Variants in TCHH observed in about 807,000 individuals in gnomAD.
The protein encoded by TCHH is trichohyalin.
TCHH carries 6 observed loss-of-function variants against 6.3 expected under a neutral mutation model. The ratio of observed to expected loss-of-function variants is 0.95; its 90% CI spans 0.52 to 1.88. The LOEUF is 1.88. TCHH is among the 40% of genes most tolerant of loss of function. TCHH has a pLI of 0.01. For synonymous variants in TCHH, 1,087 were observed against 963.6 expected (o/e 1.13, Z -2.37); for missense variants, 2,920 against 2,449.1 (o/e 1.19, Z -4.06).
chr1:152,108,098 T>G lies in TCHH; in HGVS notation c.5119A>C (p.Arg1707=). The G allele has an allele frequency of 6.2e-7, 1 of 1,605,822 alleles. No homozygotes were observed. Among genetic ancestry groups the G allele is most frequent in the South Asian group, 1.1e-5 (1 of 90,784 alleles). ...TGCTGTTCCTCCTGGAGGAATTTTC[T>G]CTCTCGTTCCTGACGGCGGAGCTGC... is the stretch of plus-strand genomic sequence containing the variant. ...EQQLRRQERE[R]KFLQEEQQLR... is the part of the protein sequence containing the mutation. The change falls in exon 3 of 3, where the codon AGA becomes CGA. Residue 1707 remains arginine (R), a synonymous_variant. Coordinates refer to ENST00000614923, the MANE Select transcript of TCHH (RefSeq NM_007113.4).
In TCHH at chr1:152,109,410, G is replaced by A. The variant is rs761922934; in HGVS notation, c.3807C>T (p.His1269=). The change falls in exon 3 of 3, where the codon CAC becomes CAT. Residue 1269 remains histidine (H), a synonymous_variant. Transcript: ENST00000614923. ...CTCGCTCTTGCTGTTCACCCAGCAG[G>A]TGCTGCAGATCTTGCTGGGATTGTC... is the stretch of plus-strand genomic sequence containing the variant. The part of the protein sequence containing the change: ...RDRQSQQDLQ[H]LLGEQQERDR... The A allele has an allele frequency of 1.9e-6, 3 of 1,613,388 alleles. No individual in the cohort carries two copies. The highest frequency in any genetic ancestry group is 2.7e-5 in the African/African-American group (2 of 74,902).
chr1:152,107,600 G>GACGTTTC lies in TCHH; in HGVS notation c.5610_5616dup (p.Arg1873GlufsTer62), dbSNP rs1658142412. 1.2e-6 allele frequency: 2 copies of GACGTTTC among 1,613,944 alleles called. No homozygotes were observed. Among genetic ancestry groups the GACGTTTC allele is most frequent in the Non-Finnish European group, 1.7e-6 (2 of 1,180,002 alleles). ...CGTAATTTCCTTTCCCGTTCCTGGC[G>GACGTTTC]ACGTTTCTGCTCCTCTTCTTGCCAT... is the stretch of plus-strand genomic sequence containing the variant. On this transcript the variant is annotated frameshift_variant, in exon 3 of 3. Coordinates refer to ENST00000614923, the MANE Select transcript of TCHH (RefSeq NM_007113.4). LOFTEE classifies it low-confidence loss of function (END_TRUNC).
Position 152,108,265 on chromosome 1 carries a change from T to G in TCHH, c.4952A>C (p.Gln1651Pro), listed in dbSNP as rs1483517781. ...RDRKFLEEEP[Q>P]LRRQEREQQL... ...TTGTTCGCGCTCCTGGCGGCGCAGC[T>G]GCGGTTCCTCCTCGAGGAATTTTCT... The change falls in exon 3 of 3, where the codon CAG (glutamine) becomes CCG (proline). Residue 1651 changes from glutamine (Q) to proline (P), a missense_variant. By Grantham distance (76) the Gln-to-Pro change is moderately conservative (BLOSUM62 -1). Transcript: ENST00000614923. 1.9e-6 allele frequency: 3 copies of G among 1,612,806 alleles called. No homozygotes were observed. Among genetic ancestry groups the G allele is most frequent in the South Asian group, 1.1e-5 (1 of 90,938 alleles).
Position 152,107,911 on chromosome 1 carries a change from C to T in TCHH, c.5306G>A (p.Arg1769His), listed in dbSNP as rs371137520. 23 of 1,613,778 alleles carry T rather than the reference C, an allele frequency of 1.4e-5. No homozygotes were observed. The highest frequency in any genetic ancestry group is 1.9e-5 in the Non-Finnish European group (23 of 1,179,958). ...REEQQLRRQE[R>H]DRKFREEEQL... The stretch of plus-strand genomic sequence containing the variant: ...TTCCTCCTCGCGGAATTTTCTGTCG[C>T]GCTCCTGGCGGCGCAGCTGCTGTTC... Residue 1769 changes from arginine to histidine, a missense_variant, in exon 3 of 3, where the codon CGC becomes CAC. By Grantham distance (29) the Arg-to-His change is conservative. Coordinates refer to ENST00000614923, the MANE Select transcript of TCHH (RefSeq NM_007113.4).
chr1:152,109,085 C>G lies in TCHH; in HGVS notation c.4132G>C (p.Glu1378Gln), dbSNP rs369543263. The change falls in exon 3 of 3, where the codon GAG becomes CAG. Residue 1378 changes from glutamate to glutamine, a missense_variant. Physicochemically the swap from Glu to Gln is conservative, Grantham distance 29. Transcript: ENST00000614923. ...RHQEQGRKFL[E>Q]EEQRLRRQER... ...TGGCGGCGCAGCCGCTGTTCCTCCT[C>G]GAGGAATTTTCTCCCTTGTTCCTGA... 2.2e-5 allele frequency: 36 copies of G among 1,613,030 alleles called. No homozygotes were observed. Among genetic ancestry groups the G allele is most frequent in the Middle Eastern group, 3.3e-4 (2 of 6,074 alleles).
rs756799559 is a variant in TCHH, at chr1:152,113,089, G to A, written c.139-11C>T. Reference sequence around the variant, plus strand: ...AGGGTCATGTGGTCTCTATAAAAATGGTGAAAACAAAAATTTTACAATGCA... The same window carrying A: ...AGGGTCATGTGGTCTCTATAAAAATAGTGAAAACAAAAATTTTACAATGCA... On this transcript the variant is annotated splice_polypyrimidine_tract_variant and intron_variant, in intron 2 of 2. Transcript: ENST00000614923. 6 of 1,560,932 alleles carry A rather than the reference G, an allele frequency of 3.8e-6. No homozygotes were observed. Among genetic ancestry groups the A allele is most frequent in the Non-Finnish European group, 5.2e-6 (6 of 1,156,620 alleles).
chr1:152,111,877 A>C lies in TCHH; in HGVS notation c.1340T>G (p.Leu447Arg). The C allele has an allele frequency of 6.3e-7, 1 of 1,577,468 alleles. No individual in the cohort carries two copies. The highest frequency in any genetic ancestry group is 8.6e-7 in the Non-Finnish European group (1 of 1,168,506). ...KHEQERREQR[L>R]KREQEERRDW... ...GCGCCTCTCCTCCTGCTCGCGCTTC[A>C]GCCGCTGCTCGCGCCTCTCCTGCTC... The change falls in exon 3 of 3, where the codon CTG (leucine) becomes CGG (arginine). Residue 447 changes from leucine to arginine, a missense_variant. Coordinates refer to ENST00000614923, the MANE Select transcript of TCHH (RefSeq NM_007113.4).
At position 152,110,531 on chromosome 1, in the gene TCHH, G is replaced by T. The variant is rs540423427; in HGVS notation, c.2686C>A (p.Gln896Lys). The T allele has an allele frequency of 1.9e-6, 3 of 1,614,074 alleles. No individual in the cohort carries two copies. Among genetic ancestry groups the T allele is most frequent in the Middle Eastern group, 3.3e-4 (2 of 6,062 alleles). The change falls in exon 3 of 3, where the codon CAA becomes AAA. Residue 896 changes from glutamine to lysine, a missense_variant. Gln to Lys is a moderately conservative substitution (Grantham distance 53, BLOSUM62 1). Coordinates refer to ENST00000614923, the MANE Select transcript of TCHH (RefSeq NM_007113.4). ...RHTLYAKPAL[Q>K]EQLRKEQQLL... Reference sequence around the variant, plus strand: ...TGCTGTTCCTTCCTCAGCTGCTCTTGTAGGGCTGGCTTGGCGTACAGCGTG... The same window carrying T: ...TGCTGTTCCTTCCTCAGCTGCTCTTTTAGGGCTGGCTTGGCGTACAGCGTG...
At position 152,112,753 on chromosome 1, in the gene TCHH, CT is replaced by C; in HGVS notation, c.463del (p.Ser155ValfsTer64). 1 of 1,614,084 alleles carries C rather than the reference CT, an allele frequency of 6.2e-7. No individual in the cohort carries two copies. The highest frequency in any genetic ancestry group is 8.5e-7 in the Non-Finnish European group (1 of 1,180,020). On this transcript the variant is annotated frameshift_variant, in exon 3 of 3. Transcript: ENST00000614923. LOFTEE classifies it low-confidence loss of function (END_TRUNC). ...CTGTTCAAGTCGCTCTTGTTTCTCA[CT>C]TTGCTCCTCTCCCTCAGCTAGCTCC... ...ERELAEGEEQ[S>X]EKQERLEQRD...
At position 152,109,084 on chromosome 1, in the gene TCHH, T is replaced by A. The variant is rs779292167; in HGVS notation, c.4133A>T (p.Glu1378Val). ...RHQEQGRKFL[E>V]EEQRLRRQER... ...CTGGCGGCGCAGCCGCTGTTCCTCC[T>A]CGAGGAATTTTCTCCCTTGTTCCTG... The change falls in exon 3 of 3, where the codon GAG becomes GTG. Residue 1378 changes from glutamate to valine, a missense_variant. By Grantham distance (121) the Glu-to-Val change is moderately radical. Transcript: ENST00000614923. 92 of 1,613,014 alleles carry A rather than the reference T, an allele frequency of 5.7e-5. No individual in the cohort carries two copies. Among genetic ancestry groups the A allele is most frequent in the Admixed American group, 4.3e-4 (26 of 59,922 alleles).
rs1438872335 is a variant in TCHH, at chr1:152,107,960, C to T, written c.5257G>A (p.Glu1753Lys). The T allele has an allele frequency of 1.2e-6, 2 of 1,611,574 alleles. No individual in the cohort carries two copies. Among genetic ancestry groups the T allele is most frequent in the South Asian group, 1.1e-5 (1 of 90,940 alleles). The change falls in exon 3 of 3, where the codon GAG becomes AAG. Residue 1753 changes from glutamate (E) to lysine (K), a missense_variant. Transcript: ENST00000614923. ...TCTTCCCTTTCCGGACGGAGCTGCT[C>T]TTCCTCTAGGATTTTTCTGTAGCGT... ...QERYRKILEE[E>K]QLRPEREEQQ...
Position 152,107,743 on chromosome 1 carries a change from T to A in TCHH, c.5474A>T (p.Glu1825Val), listed in dbSNP as rs1371695329. 6.2e-7 allele frequency: 1 copy of A among 1,614,256 alleles called. No homozygotes were observed. Among genetic ancestry groups the A allele is most frequent in the African/African-American group, 1.3e-5 (1 of 75,068 alleles). The change falls in exon 3 of 3, where the codon GAA (glutamate) becomes GTA (valine). Residue 1825 changes from glutamate to valine, a missense_variant. Coordinates refer to ENST00000614923, the MANE Select transcript of TCHH (RefSeq NM_007113.4). ...QQRDGKYRWE[E>V]EQLQLEEQEQ... ...TTGTTCCTCAAGTTGGAGCTGCTCT[T>A]CTTCCCAGCGATACTTTCCGTCACG...
rs1185826374 is a variant in TCHH at position 152,107,296 on chromosome 1, G to A, written c.*89C>T. The A allele has an allele frequency of 1.1e-5, 15 of 1,315,688 alleles. No individual in the cohort carries two copies. The highest frequency in any genetic ancestry group is 1.5e-5 in the Non-Finnish European group (15 of 970,880). 81.5% of individuals were successfully genotyped at this position (1,315,688 alleles called of 1,614,324 possible). A position where few individuals can be genotyped will look rare whatever the true frequency, so the allele number is the denominator to read the frequency against. ...ATATCAGAGAGTTTTCCCACAACCA[G>A]AAACATCTGAGTTATCACTTGGTAC... On this transcript the variant is annotated 3_prime_UTR_variant, in exon 3 of 3. Transcript: ENST00000614923.
In TCHH at chr1:152,108,862, T is replaced by G; in HGVS notation, c.4355A>C (p.Glu1452Ala). ...QERERKFLEEEQQLRQERHRK... is the reference protein window; with the variant it reads ...QERERKFLEEAQQLRQERHRK... ...GTGACGCTCCTGGCGCAGCTGCTGT[T>G]CCTCCTCCAGGAATTTTCTCTCTCG... Residue 1452 changes from glutamate to alanine, a missense_variant, in exon 3 of 3, where the codon GAA becomes GCA. Physicochemically the swap from Glu to Ala is moderately radical, Grantham distance 107. Transcript: ENST00000614923. 1 of 1,613,066 alleles carries G rather than the reference T, an allele frequency of 6.2e-7. No homozygotes were observed. Among genetic ancestry groups the G allele is most frequent in the Non-Finnish European group, 8.5e-7 (1 of 1,179,740 alleles).
rs200636785 is a variant in TCHH, at chr1:152,111,542, C to A, written c.1675G>T (p.Glu559Ter). 1 of 1,544,328 alleles carries A rather than the reference C, an allele frequency of 6.5e-7. No individual in the cohort carries two copies. Among genetic ancestry groups the A allele is most frequent in the African/African-American group, 1.5e-5 (1 of 66,130 alleles). ...LLKREEEKRLEQERREQRLKR... is the reference protein window; with the variant it reads ...LLKREEEKRL Reference sequence around the variant, plus strand: ...AGCCGCTGCTCTCGCCTCTCCTGCTCGAGCCTCTTCTCCTCCTCGCGCTTC... The same window carrying A: ...AGCCGCTGCTCTCGCCTCTCCTGCTAGAGCCTCTTCTCCTCCTCGCGCTTC... The change falls in exon 3 of 3, where the codon GAG becomes TAG. Residue 559 changes from glutamate to a stop codon, truncating the protein, a stop_gained. Coordinates refer to ENST00000614923, the MANE Select transcript of TCHH (RefSeq NM_007113.4). LOFTEE classifies it low-confidence loss of function (END_TRUNC).
Position 152,108,701 on chromosome 1 carries a change from G to A in TCHH, c.4516C>T (p.Gln1506Ter). ...RQERDRKFRE[Q>*]ELRSQEPERK... ...TCTGGTTCCTGACTGCGCAGTTCCT[G>A]TTCGCGGAATTTTCTGTCACGCTCT... is the stretch of plus-strand genomic sequence containing the variant. Residue 1506 changes from glutamine (Q) to a stop codon, truncating the protein, a stop_gained, in exon 3 of 3, where the codon CAG (glutamine) becomes TAG (stop). Transcript: ENST00000614923. LOFTEE classifies it low-confidence loss of function (END_TRUNC). 6.4e-7 allele frequency: 1 copy of A among 1,573,982 alleles called. No homozygotes were observed. The highest frequency in any genetic ancestry group is 8.6e-7 in the Non-Finnish European group (1 of 1,164,924).
rs770698350 is a variant in TCHH, at chr1:152,111,365, G to GCTCGCGCCTCTC, written c.1840_1851dup (p.Glu614_Glu617dup). On this transcript the variant is annotated inframe_insertion, in exon 3 of 3. Transcript: ENST00000614923. ...TCCGGCTCCTCGCGCTTCAGCCGCT[G>GCTCGCGCCTCTC]CTCGCGCCTCTCCTCCTGCTCGAGT... The GCTCGCGCCTCTC allele has an allele frequency of 6.2e-7, 1 of 1,607,832 alleles. No homozygotes were observed. Among genetic ancestry groups the GCTCGCGCCTCTC allele is most frequent in the African/African-American group, 1.4e-5 (1 of 72,792 alleles).
At position 152,111,306 on chromosome 1, in the gene TCHH, C is replaced by T. The variant is rs749169063; in HGVS notation, c.1911G>A (p.Glu637=). ...GCTGCTGGCGCCTCTCCTCCTGCTCCTCGCTCTTCAGCAGCTGCTGGCGCC... is the reference window on the plus strand; with the variant it reads ...GCTGCTGGCGCCTCTCCTCCTGCTCTTCGCTCTTCAGCAGCTGCTGGCGCC... The part of the protein sequence containing the change: ...EERRQQLLKS[E]EQEERRQQQL... The change falls in exon 3 of 3, where the codon GAG becomes GAA. Residue 637 remains glutamate, a synonymous_variant. Transcript: ENST00000614923. 1.1e-5 allele frequency: 18 copies of T among 1,595,092 alleles called. No homozygotes were observed. In the East Asian group the frequency reaches 4.1e-4, roughly 36 times the overall value.
chr1:152,107,276 A>C lies in TCHH; in HGVS notation c.*109T>G. 1 of 1,155,704 alleles carries C rather than the reference A, an allele frequency of 8.7e-7. No individual in the cohort carries two copies. The highest frequency in any genetic ancestry group is 1.2e-6 in the Non-Finnish European group (1 of 825,594). 71.6% of individuals were successfully genotyped at this position (1,155,704 alleles called of 1,614,324 possible). ...TTGGAAGAAAAGACATTCTAATATC[A>C]GAGAGTTTTCCCACAACCAGAAACA... On this transcript the variant is annotated 3_prime_UTR_variant, in exon 3 of 3. Transcript: ENST00000614923.
Sources: allele counts gnomAD v4.1 joint callset, GRCh38; gene constraint gnomAD v4.1.1; transcripts MANE v1.5; gene names NCBI Gene and HGNC (gene_info 2026-07-23, HGNC 2026-07-21).